PIGN: variants seen among roughly 807,000 people sequenced by gnomAD.
PIGN encodes the protein phosphatidylinositol glycan anchor biosynthesis class N, also known as GPI ethanolamine phosphate transferase 1.
PIGN carries 117 observed loss-of-function variants against 125.4 expected under a neutral mutation model. The ratio of observed to expected loss-of-function variants is 0.93; its 90% CI spans 0.80 to 1.09. The LOEUF (loss-of-function observed/expected upper bound fraction) is 1.09, where lower values mean the gene tolerates loss of function less well. Among genes scored for constraint, PIGN ranks in the 50% least tolerant of loss-of-function variants. The pLI, the probability that PIGN is intolerant of heterozygous loss-of-function variation, is 0.00. For missense variants in PIGN, 1,075 were observed against 1,094.9 expected, an observed-to-expected ratio of 0.98 and a Z score of 0.26; for synonymous variants, 392 against 377.8, an observed-to-expected ratio of 1.04 and a Z score of -0.44.
At chr18:62,048,317 G>A (rs1185917691) in intron 30 of PIGN, among the ~76,000 whole-genome samples, 2 of 152,112 alleles carry the variant, frequency 1.3e-5, no homozygotes, top group Admixed American at 6.5e-5. Context: ...TCCAAATTTG[G>A]CAAAAGACAT....
At chr18:62,174,600 A>C (rs550271315) in intron 1 of PIGN, among the ~76,000 whole-genome samples, 41 of 152,310 alleles carry the variant, frequency 2.7e-4, no homozygotes, top group Admixed American at 1.9e-3. Flanking sequence ...AAACAATTAT[A>C]AAGACTTAAC....
rs2030506276 is a variant in PIGN at position 62,044,305 on chromosome 18, A to G, written c.*1551T>C. 1 of 152,234 alleles carries G rather than the reference A, an allele frequency of 6.6e-6. No homozygotes were observed. The highest frequency in any genetic ancestry group is 1.5e-5 in the Non-Finnish European group (1 of 68,046). 9.4% of individuals were successfully genotyped at this position (152,234 alleles called of 1,614,324 possible). ...GATAAAAGGCAAAACTACACATAGA[A>G]AAAGGTCAGTGATAAGTGTTTATAC... is the stretch of plus-strand genomic sequence containing the variant. On this transcript the variant is annotated 3_prime_UTR_variant, in exon 31 of 31. Transcript: ENST00000640252.
chr18:62,089,367 T>A (rs1384647407), intron 24 of PIGN, among the ~76,000 whole-genome samples: 1 of 152,154 alleles, frequency 6.6e-6, no homozygotes, highest in Non-Finnish European at 1.5e-5. Context: ...GTGAGTGCAC[T>A]CTTGCTTAAT....
At chr18:62,087,229 A>C (rs1038966526) in intron 25 of PIGN, among the ~76,000 whole-genome samples, 1 of 152,176 alleles carries the variant, frequency 6.6e-6, no homozygotes, top group Non-Finnish European at 1.5e-5. Context: ...ATAGAGAAGA[A>C]GAATAGAAGT....
intron 8 of PIGN, 71 bp downstream of exon 8, chr18:62,148,143 A>G: frequency 3.3e-6 from 4 of 1,203,702 alleles, no homozygotes; most frequent in Non-Finnish European, 4.5e-6. Context: ...TCCAAAGAAA[A>G]CTTTATAATA....
At chr18:62,126,126 A>G (rs747109225) in intron 14 of PIGN, among the ~76,000 whole-genome samples, 2 of 152,118 alleles carry the variant, frequency 1.3e-5, no homozygotes, top group African/African-American at 2.4e-5. Flanking sequence ...TCTCCATGCA[A>G]TTTCTATTTT....
chr18:62,017,671 T>C (rs1172391250), exon 24 of PIGN: 1 of 152,072 alleles, frequency 6.6e-6, no homozygotes, highest in Admixed American at 6.6e-5. Context: ...ACCATGGCCT[T>C]CAGCTCCATT....
intron 11 of PIGN, among the ~76,000 whole-genome samples, chr18:62,141,286 A>T (rs1287536093): frequency 6.6e-6 from 1 of 152,224 alleles, no homozygotes; most frequent in African/African-American, 2.4e-5. Context: ...TTTTTCCCTT[A>T]CAGAGGTGTG....
chr18:62,043,616 A>G lies in PIGN; in HGVS notation c.*2240T>C, dbSNP rs2030998976. On this transcript the variant is annotated 3_prime_UTR_variant, in exon 31 of 31. Transcript: ENST00000640252. ...TATAACATTATTTTCCTAAAAAATA[A>G]AAAAGCATTTTGTATTCTAAATACT... 1 of 152,242 alleles carries G rather than the reference A, an allele frequency of 6.6e-6. No homozygotes were observed. The highest frequency in any genetic ancestry group is 1.5e-5 in the Non-Finnish European group (1 of 68,044). The allele number at this position is 152,242 out of a possible 1,614,324, so 9.4% of individuals were successfully genotyped here.
intron 20 of PIGN, among the ~76,000 whole-genome samples, 182 bp from the exon 21 acceptor site, chr18:62,103,084 A>G (rs1256788921): frequency 6.6e-6 from 1 of 152,176 alleles, no homozygotes; most frequent in East Asian, 1.9e-4. Context: ...TAAGATTTTA[A>G]GAAAACTTTT....
intron 26 of PIGN, among the ~76,000 whole-genome samples, 193 bp downstream of exon 26, chr18:62,085,016 G>A (rs1331204545): frequency 6.6e-6 from 1 of 152,112 alleles, no homozygotes; most frequent in Non-Finnish European, 1.5e-5. Context: ...GCTGAGGCAT[G>A]AGAATCGCTT....
downstream of PIGN, among the ~76,000 whole-genome samples, chr18:62,037,528 T>C (rs111698983): frequency 2.3e-3 from 345 of 152,334 alleles, 1 homozygote; most frequent in African/African-American, 7.6e-3. Context: ...AACCACTGCC[T>C]CTTACGGTGA....
In PIGN at chr18:62,157,130, T is replaced by C. The variant is rs1211388643; in HGVS notation, c.441A>G (p.Lys147=). The C allele has an allele frequency of 6.4e-7, 1 of 1,569,476 alleles. No individual in the cohort carries two copies. The highest frequency in any genetic ancestry group is 8.7e-7 in the Non-Finnish European group (1 of 1,143,088). The change falls in exon 6 of 31, where the codon AAA becomes AAG. Residue 147 remains lysine (K), a splice_region_variant and synonymous_variant. Transcript: ENST00000640252. ...GSPDILPMFA[K]GASGDHVYTY... ...GGAAACATAATCAGTGACTCTTACC[T>C]TTGGCAAACATAGGCAGGATATCTG...
intron 23 of PIGN, among the ~76,000 whole-genome samples, chr18:62,091,531 C>T (rs909681894): frequency 6.6e-6 from 1 of 152,174 alleles, no homozygotes; most frequent in Non-Finnish European, 1.5e-5. Context: ...ACATGTGCTA[C>T]AATTTCCATT....
intron 14 of PIGN, among the ~76,000 whole-genome samples, chr18:62,132,105 AACAGT>A (rs142663313): frequency 0.041 from 6,305 of 152,294 alleles, 204 homozygotes; most frequent in Non-Finnish European, 0.056. Context: ...CATGTGTGAC[AACAGT>A]ACTCTTTGAT....
At chr18:62,117,550 C>T (rs998702565) in intron 14 of PIGN, among the ~76,000 whole-genome samples, 2 of 145,390 alleles carry the variant, frequency 1.4e-5, no homozygotes, top group Admixed American at 1.4e-4. Context: ...CTCAGCCCCC[C>T]CCTCTAAAAA....
chr18:62,023,665 C>G (rs2030081128), intron 23 of PIGN, among the ~76,000 whole-genome samples: 1 of 152,182 alleles, frequency 6.6e-6, no homozygotes, highest in African/African-American at 2.4e-5. Context: ...GGCTTTTTTG[C>G]TGCAATTTCA....
chr18:62,128,985 C>T (rs888301577), intron 14 of PIGN, among the ~76,000 whole-genome samples: 1 of 152,074 alleles, frequency 6.6e-6, no homozygotes, highest in African/African-American at 2.4e-5. Context: ...TGCAAAATTC[C>T]CTTCCAAGGA....
chr18:62,101,242 C>A, intron 21 of PIGN, 59 bp from the exon 22 acceptor site: 2 of 922,414 alleles, frequency 2.2e-6, no homozygotes, highest in East Asian at 2.4e-5. Flanking sequence ...CTCTAACTAG[C>A]AAGAATGTAA....
Sources: allele counts gnomAD v4.1 joint callset (sites outside exome capture counted in the v4.1 genomes callset), GRCh38; gene constraint gnomAD v4.1.1; transcripts MANE v1.5; gene names NCBI Gene and HGNC (gene_info 2026-07-23, HGNC 2026-07-21).